The following PRSS23 variants were observed in gnomAD, a reference collection of about 807,000 sequenced individuals.
PRSS23 encodes serine protease 23.
A neutral mutation model predicts 34.7 loss-of-function variants in PRSS23; 25 were observed. The observed-to-expected ratio is 0.72, with a 90% CI of 0.53 to 1.01. The LOEUF is 1.01. Ranked by LOEUF, PRSS23 falls within the 50% of genes least tolerant of loss-of-function variation. PRSS23 has a pLI of 0.00. For synonymous variants in PRSS23, 176 were observed against 186.6 expected (o/e 0.94, Z 0.46); for missense variants, 445 against 475.6 (o/e 0.94, Z 0.60).
chr11:86,880,291 C>T (rs1226051049), intron 2 of PRSS23, among the ~76,000 whole-genome samples: 1 of 149,974 alleles, frequency 6.7e-6, no homozygotes, highest in South Asian at 2.2e-4. Flanking sequence ...CTCAAGTACC[C>T]AGGGACACAA....
intron 2 of PRSS23, among the ~76,000 whole-genome samples, chr11:86,867,156 A>C (rs1459552163): frequency 6.6e-6 from 1 of 152,176 alleles, no homozygotes; most frequent in Non-Finnish European, 1.5e-5. Flanking sequence ...GTGAGTTTCT[A>C]TATCTTTGTT....
intron 2 of PRSS23, among the ~76,000 whole-genome samples, chr11:86,880,308 C>T (rs929055462): frequency 2.0e-5 from 3 of 150,388 alleles, no homozygotes; most frequent in East Asian, 3.9e-4. Context: ...ACAAACACTG[C>T]GGAAGGCCGC....
At chr11:86,899,159 C>A (rs1269868089) in intron 2 of PRSS23, among the ~76,000 whole-genome samples, 1 of 152,144 alleles carries the variant, frequency 6.6e-6, no homozygotes, top group East Asian at 1.9e-4. Context: ...CCTTCCCCAA[C>A]CCCACACCCC....
intron 2 of PRSS23, among the ~76,000 whole-genome samples, chr11:86,846,187 C>T (rs1948485098): frequency 6.6e-6 from 1 of 152,118 alleles, no homozygotes; most frequent in Non-Finnish European, 1.5e-5. Flanking sequence ...CATAGTCAGC[C>T]ACCACACCAA....
rs1201295401 is a variant in PRSS23, at chr11:86,952,159, G to A, written c.*874G>A. 1 of 1,612,236 alleles carries A rather than the reference G, an allele frequency of 6.2e-7. No homozygotes were observed. Among genetic ancestry groups the A allele is most frequent in the East Asian group, 2.2e-5 (1 of 44,860 alleles). On this transcript the variant is annotated 3_prime_UTR_variant, in exon 3 of 3. Coordinates refer to the PRSS23 transcript ENST00000533902. ...CATCATAGCCACACTTGAGCACACA[G>A]TTCAGGCTCCTTTTCACCCAGATGT... is the stretch of plus-strand genomic sequence containing the variant.
intron 1 of PRSS23, chr11:86,823,206 AT>A: frequency 1.7e-6 from 1 of 602,096 alleles, no homozygotes; most frequent in Non-Finnish European, 2.9e-6. Context: ...TTCAGTTCCT[AT>A]TTCTTTTACT....
chr11:86,800,601 C>T lies in PRSS23; in HGVS notation c.-64C>T, dbSNP rs967313837. 1.1e-5 allele frequency: 11 copies of T among 985,138 alleles called. No individual in the cohort carries two copies. The highest frequency in any genetic ancestry group is 1.3e-5 in the Non-Finnish European group (11 of 829,858). The allele number at this position is 985,138 out of a possible 1,614,324, so 61.0% of individuals were successfully genotyped here. The stretch of plus-strand genomic sequence containing the variant: ...CGCGCGCTCTCTCCCGGCGCCCACA[C>T]CTGTCTGAGCGGCGCAGCGAGCCGC... On this transcript the variant is annotated 5_prime_UTR_variant, in exon 1 of 2. Transcript: ENST00000280258.
intron 2 of PRSS23, among the ~76,000 whole-genome samples, chr11:86,846,452 A>C (rs993521503): frequency 6.6e-6 from 1 of 152,020 alleles, no homozygotes; most frequent in African/African-American, 2.4e-5. Context: ...ACAACCCCTG[A>C]CCCTTCAGGT....
chr11:86,831,496 C>T lies in PRSS23; in HGVS notation c.206+7903C>T, dbSNP rs148604135. 1.4e-3 allele frequency among the ~76,000 whole-genome samples: 214 copies of T among 151,894 alleles called. 1 individual carries two copies. Among genetic ancestry groups the T allele is most frequent in the African/African-American group, 4.7e-3 (195 of 41,370 alleles). On this transcript the variant is annotated intron_variant, in intron 2 of 2. Coordinates refer to the PRSS23 transcript ENST00000533902. ...GGGGGATGTTACTTTTAATGTTACA[C>T]GTGGTATACACACCGTGATATTATT...
intron 1 of PRSS23, among the ~76,000 whole-genome samples, chr11:86,802,518 C>T (rs1394146303): frequency 6.6e-6 from 1 of 152,224 alleles, no homozygotes; most frequent in Non-Finnish European, 1.5e-5. Flanking sequence ...AGCATGATTT[C>T]ACCGTTCCAT....
In PRSS23 at chr11:86,821,370, C is replaced by T. The variant is rs567450583; in HGVS notation, c.-11-2007C>T. ...AGGTATAGTGATCCTAGTTTTGCTA[C>T]GGATTACTTCTTTATGCTAACCCTG... is the stretch of plus-strand genomic sequence containing the variant. On this transcript the variant is annotated intron_variant, in intron 1 of 2. Transcript: ENST00000533902. The T allele has an allele frequency of 2.7e-4, 271 of 1,004,580 alleles. No homozygotes were observed. The South Asian group carries it at 3.6e-3, about 13-fold the overall frequency. The allele number at this position is 1,004,580 out of a possible 1,614,324, so 62.2% of individuals were successfully genotyped here.
At chr11:86,893,401 A>G (rs1948854294) in intron 2 of PRSS23, among the ~76,000 whole-genome samples, 1 of 152,168 alleles carries the variant, frequency 6.6e-6, no homozygotes, top group Non-Finnish European at 1.5e-5. Flanking sequence ...ACTATGATAA[A>G]TCCTATTAAT....
intron 2 of PRSS23, among the ~76,000 whole-genome samples, chr11:86,898,780 C>T (rs111796812): frequency 8.5e-5 from 13 of 152,318 alleles, no homozygotes; most frequent in African/African-American, 2.9e-4. Flanking sequence ...CATATCTCTT[C>T]TCTGAACCTT....
At chr11:86,874,616 T>C (rs539147361) in intron 2 of PRSS23, among the ~76,000 whole-genome samples, 1 of 152,378 alleles carries the variant, frequency 6.6e-6, no homozygotes, top group African/African-American at 2.4e-5. Flanking sequence ...TTTACCTTTT[T>C]CACTTGCAAT....
chr11:86,804,526 A>G (rs1474388975), intron 1 of PRSS23, among the ~76,000 whole-genome samples: 1 of 152,214 alleles, frequency 6.6e-6, no homozygotes. Context: ...AGGACTTATT[A>G]AGTCTCTGAA....
chr11:86,809,280 A>G lies in PRSS23; in HGVS notation c.*485A>G, dbSNP rs962855156. On this transcript the variant is annotated 3_prime_UTR_variant, in exon 2 of 2. Coordinates refer to ENST00000280258, the MANE Select transcript of PRSS23 (RefSeq NM_007173.6). ...CTGATCTTTAATGCTTCCATAAGGCAGTGTTCCCATTTAGGAACTTTGACA... is the reference window on the plus strand; with the variant it reads ...CTGATCTTTAATGCTTCCATAAGGCGGTGTTCCCATTTAGGAACTTTGACA... 6.0e-6 allele frequency: 1 copy of G among 167,806 alleles called. No individual in the cohort carries two copies. The highest frequency in any genetic ancestry group is 2.4e-5 in the African/African-American group (1 of 41,434). 10.4% of individuals were successfully genotyped at this position (167,806 alleles called of 1,614,324 possible).
intron 2 of PRSS23, chr11:86,950,135 A>T (rs1251673406): frequency 6.6e-6 from 1 of 152,648 alleles, no homozygotes; most frequent in East Asian, 1.9e-4. Context: ...TTACACAGCT[A>T]ATCTGTGTGA....
intron 2 of PRSS23, chr11:86,937,599 C>A (rs1005079856): frequency 4.6e-5 from 7 of 152,196 alleles, no homozygotes; most frequent in African/African-American, 1.7e-4. Flanking sequence ...TCTGGTTGTC[C>A]TCACTGCTAC....
At chr11:86,815,967 TG>T (rs1385462556), downstream of PRSS23, among the ~76,000 whole-genome samples, 4 of 152,322 alleles carry the variant, frequency 2.6e-5, no homozygotes, top group African/African-American at 7.2e-5. Flanking sequence ...AGCAAAGACC[TG>T]ATCAGGCCCC....
Sources: gnomAD v4.1 joint callset for allele counts (sites outside exome capture counted in the v4.1 genomes callset) on GRCh38, gnomAD v4.1.1 for gene constraint, MANE v1.5 for transcripts, NCBI Gene and HGNC (gene_info 2026-07-23, HGNC 2026-07-21) for gene names.